MYO18A: variants seen among roughly 807,000 people sequenced by gnomAD.
MYO18A encodes unconventional myosin-XVIIIa.
Under a neutral mutation model 235.8 loss-of-function variants are expected in MYO18A, and 78 were observed. That is an observed-to-expected ratio of 0.33 (90% CI 0.28 to 0.40). MYO18A has a LOEUF of 0.40. Ranked by LOEUF, MYO18A falls within the 10% of genes least tolerant of loss-of-function variation. The probability of loss-of-function intolerance (pLI) is 1.00; values close to 1 mark genes in which losing one functional copy is unlikely to be tolerated. For missense variants in MYO18A, 2,215 were observed against 2,699.3 expected (o/e 0.82, Z 3.98); for synonymous variants, 977 against 1,077.8 (o/e 0.91, Z 1.83).
rs1338732998 is a variant in MYO18A at position 29,125,621 on chromosome 17, C to T, written c.1000-3368G>A. ...AGGCCCTGACACCAACACATGTCCTCGAGGCAGGACAATGTGGCCAGAGAA... is the reference window on the plus strand; with the variant it reads ...AGGCCCTGACACCAACACATGTCCTTGAGGCAGGACAATGTGGCCAGAGAA... On this transcript the variant is annotated intron_variant, in intron 2 of 41. Coordinates refer to ENST00000527372, the MANE Select transcript of MYO18A (RefSeq NM_078471.4). This position sits in a 1 kb window ranked among gnomAD's most constrained non-coding sequence, Gnocchi z 5.1. 2.0e-5 allele frequency among the ~76,000 whole-genome samples: 3 copies of T among 152,202 alleles called. No individual in the cohort carries two copies.
At chr17:29,144,771 A>G (rs971470099) in intron 2 of MYO18A, among the ~76,000 whole-genome samples, 6 of 152,214 alleles carry the variant, frequency 3.9e-5, no homozygotes, top group Non-Finnish European at 1.5e-5. Context: ...GTTCTTGGTT[A>G]TACTCAATAT....
chr17:29,154,119 T>C (rs1017647438), intron 2 of MYO18A, among the ~76,000 whole-genome samples: 1 of 137,118 alleles, frequency 7.3e-6, no homozygotes, highest in Non-Finnish European at 1.6e-5. Context: ...TGTGTGTGTG[T>C]GTGCGCGCGC....
chr17:29,143,510 G>C (rs922590016), intron 2 of MYO18A, among the ~76,000 whole-genome samples: 1 of 150,688 alleles, frequency 6.6e-6, no homozygotes. Context: ...CCAAAGTGCT[G>C]GGATTACAGG....
intron 1 of MYO18A, among the ~76,000 whole-genome samples, chr17:29,173,860 C>T (rs2068463576): frequency 1.3e-5 from 2 of 152,190 alleles, no homozygotes; most frequent in South Asian, 2.1e-4. Context: ...CAGACTTGAA[C>T]TCCTGGGCTC....
At chr17:29,174,305 A>G (rs2068472897) in intron 1 of MYO18A, among the ~76,000 whole-genome samples, 1 of 151,998 alleles carries the variant, frequency 6.6e-6, no homozygotes, top group Non-Finnish European at 1.5e-5. Flanking sequence ...CAGGAGTTTG[A>G]GACCAGCCTA....
intron 2 of MYO18A, among the ~76,000 whole-genome samples, chr17:29,132,970 G>C (rs2067507672): frequency 6.6e-6 from 1 of 152,220 alleles, no homozygotes; most frequent in Non-Finnish European, 1.5e-5. Flanking sequence ...ACACAGGTTA[G>C]TGGGAGGACA....
At chr17:29,119,977 G>A (rs1476571955) in intron 7 of MYO18A, among the ~76,000 whole-genome samples, 1 of 152,140 alleles carries the variant, frequency 6.6e-6, no homozygotes, top group African/African-American at 2.4e-5. Context: ...CCAGGTTCAA[G>A]TGACCCTCCC....
chr17:29,172,046 A>G (rs1245063260), intron 1 of MYO18A, among the ~76,000 whole-genome samples: 1 of 152,196 alleles, frequency 6.6e-6, no homozygotes, highest in Non-Finnish European at 1.5e-5. Flanking sequence ...GAATGTTTGC[A>G]GGTCATTGTG....
intron 26 of MYO18A, 135 bp from the exon 27 acceptor site, chr17:29,097,485 T>A: frequency 8.1e-7 from 1 of 1,228,402 alleles, no homozygotes; most frequent in Non-Finnish European, 1.1e-6. Context: ...CAATGATGGC[T>A]TCCTCCCAAG....
chr17:29,081,029 C>T (rs1251688819), intron 41 of MYO18A: 1 of 983,080 alleles, frequency 1.0e-6, no homozygotes, highest in Non-Finnish European at 1.2e-6. Flanking sequence ...AGGGAGGATG[C>T]GAGAACCAGA....
In MYO18A at chr17:29,166,531, T is replaced by C. The variant is rs1420509879; in HGVS notation, c.410A>G (p.Lys137Arg). The change falls in exon 2 of 42, where the codon AAG (lysine) becomes AGG (arginine). Residue 137 changes from lysine to arginine, a missense_variant. Lys to Arg is a conservative substitution (Grantham distance 26). Coordinates refer to ENST00000527372, the MANE Select transcript of MYO18A (RefSeq NM_078471.4). ...LAKQNSQMIVKRFSFSQRSRD... is the reference protein window; with the variant it reads ...LAKQNSQMIVRRFSFSQRSRD... ...GCTACGCTGGGAGAAGGAAAAGCGC[T>C]TGACAATCATCTGTGAGTTCTGCTT... The C allele has an allele frequency of 3.7e-6, 6 of 1,613,616 alleles. No homozygotes were observed. The highest frequency in any genetic ancestry group is 5.1e-6 in the Non-Finnish European group (6 of 1,179,888).
intron 34 of MYO18A, chr17:29,091,527 G>T (rs2066397532): frequency 6.9e-6 from 3 of 436,052 alleles, no homozygotes; most frequent in South Asian, 4.9e-5. Context: ...GCTGTGGGGA[G>T]CTGGGGAAGC....
At position 29,115,386 on chromosome 17, in the gene MYO18A, G is replaced by A. The variant is rs771439632; in HGVS notation, c.2283C>T (p.Ser761=). 123 of 1,613,828 alleles carry A rather than the reference G, an allele frequency of 7.6e-5. 2 individuals carry two copies. The highest frequency in any genetic ancestry group is 1.1e-4 in the East Asian group (5 of 44,898). ...CLEGMAAGLY[S]ELFTLLVSLV... is the part of the protein sequence containing the mutation. Reference sequence around the variant, plus strand: ...GGGAGACGAGAAGGGTGAAGAGCTCGCTGTAGAGGCCGGCCGCCATGCCCT... The same window carrying A: ...GGGAGACGAGAAGGGTGAAGAGCTCACTGTAGAGGCCGGCCGCCATGCCCT... Residue 761 remains serine (S), a synonymous_variant, in exon 13 of 42, where the codon AGC becomes AGT. Coordinates refer to ENST00000527372, the MANE Select transcript of MYO18A (RefSeq NM_078471.4).
chr17:29,097,021 G>A, intron 27 of MYO18A, 106 bp from the exon 28 acceptor site: 2 of 1,407,474 alleles, frequency 1.4e-6, no homozygotes, highest in South Asian at 2.9e-5. Context: ...GGATGCAGGA[G>A]GAAGTCGGGT....
In MYO18A at chr17:29,115,817, G is replaced by T; in HGVS notation, c.2074C>A (p.His692Asn). 1.3e-6 allele frequency: 2 copies of T among 1,584,978 alleles called. No individual in the cohort carries two copies. Among genetic ancestry groups the T allele is most frequent in the East Asian group, 2.3e-5 (1 of 43,416 alleles). Residue 692 changes from histidine to asparagine, a missense_variant, in exon 12 of 42, where the codon CAT becomes AAT. Physicochemically the swap from His to Asn is moderately conservative, Grantham distance 68. Transcript: ENST00000527372. ...TACGCAGCCTTCTGGGCCCACTCAT[G>T]GCGGGCAAACTGCTTGCGCCCAGCT... ...AEAGRKQFAR[H>N]EWAQKAAYLL...
intron 40 of MYO18A, among the ~76,000 whole-genome samples, chr17:29,084,601 A>G (rs2066204877): frequency 6.6e-6 from 1 of 152,158 alleles, no homozygotes; most frequent in Non-Finnish European, 1.5e-5. Context: ...TCACGGGGGA[A>G]CAAACAAACG....
Position 29,110,521 on chromosome 17 carries a change from C to A in MYO18A, c.3002G>T (p.Arg1001Leu). 6.2e-7 allele frequency: 1 copy of A among 1,607,336 alleles called. No individual in the cohort carries two copies. The highest frequency in any genetic ancestry group is 1.1e-5 in the South Asian group (1 of 89,700). The stretch of plus-strand genomic sequence containing the variant: ...AAAGGTTTTCCGCATGCTGGTGGCC[C>A]GGCGCAGTGCCAGCTGCGAGCCGCC... The part of the protein sequence containing the change: ...LEGGSQLALR[R>L]ATSMRKTFTT... The change falls in exon 18 of 42, where the codon CGG becomes CTG. Residue 1001 changes from arginine to leucine, a missense_variant. By Grantham distance (102) the Arg-to-Leu change is moderately radical. Transcript: ENST00000527372.
intron 19 of MYO18A, among the ~76,000 whole-genome samples, chr17:29,108,871 G>T (rs1445890719): frequency 6.6e-6 from 1 of 152,176 alleles, no homozygotes; most frequent in African/African-American, 2.4e-5. Flanking sequence ...TGGCCTCATC[G>T]ATCTGCTTGT....
chr17:29,086,690 C>T (rs1392088383), intron 38 of MYO18A, 113 bp from the exon 39 acceptor site: 1 of 1,392,192 alleles, frequency 7.2e-7, no homozygotes, highest in Non-Finnish European at 9.6e-7. Flanking sequence ...TGAGGGCTGA[C>T]ACAGGCTGCC....
Sources: allele counts gnomAD v4.1 joint callset (sites outside exome capture counted in the v4.1 genomes callset), GRCh38; gene constraint gnomAD v4.1.1; non-coding constraint Gnocchi (gnomAD v3.1); transcripts MANE v1.5; gene names NCBI Gene and HGNC (gene_info 2026-07-23, HGNC 2026-07-21).